The following LDB2 variants were observed in gnomAD, a reference collection of about 807,000 sequenced individuals.
The protein encoded by LDB2 is LIM domain binding 2.
A neutral mutation model predicts 44.3 loss-of-function variants in LDB2; 12 were observed. That is an observed-to-expected ratio of 0.27 (90% confidence interval 0.17 to 0.44). The LOEUF (loss-of-function observed/expected upper bound fraction) is 0.44. Among genes scored for constraint, LDB2 ranks in the 20% least tolerant of loss-of-function variants. The pLI, the probability that LDB2 is intolerant of heterozygous loss-of-function variation, is 1.00. For missense variants in LDB2, 344 were observed against 473.5 expected (o/e 0.73, Z 2.54); for synonymous variants, 164 against 174.8 (o/e 0.94, Z 0.49).
Position 16,739,707 on chromosome 4 carries a change from T to TATATATACATAC in LDB2, c.235+19450_235+19451insGTATGTATATAT, listed in dbSNP as rs1216677755. Among the ~76,000 whole-genome samples, 52 of 100,930 alleles carry TATATATACATAC rather than the reference T, an allele frequency of 5.2e-4. 1 individual carries two copies. The highest frequency in any genetic ancestry group is 1.8e-3 in the African/African-American group (48 of 26,216). The allele number at this position is 100,930 out of a possible 152,430, so 66.2% of individuals were successfully genotyped here. A position where few individuals can be genotyped will look rare whatever the true frequency, so the allele number is the denominator to read the frequency against. On this transcript the variant is annotated intron_variant, in intron 2 of 7. Transcript: ENST00000304523. ...ATATATGTATATATACATATATGTG[T>TATATATACATAC]ATATATGTATATATACATATATGTG...
intron 5 of LDB2, among the ~76,000 whole-genome samples, chr4:16,544,808 G>C (rs1172927672): frequency 6.6e-6 from 1 of 152,190 alleles, no homozygotes; most frequent in South Asian, 2.1e-4. Context: ...GCAGTTGGTT[G>C]TATCAGGCTT....
chr4:16,504,258 G>A (rs1430075500), intron 7 of LDB2, among the ~76,000 whole-genome samples: 2 of 152,218 alleles, frequency 1.3e-5, no homozygotes, highest in Non-Finnish European at 2.9e-5. Context: ...AGAAGGACCA[G>A]TGGGATTTTG....
chr4:16,646,444 T>C (rs1041833306), intron 2 of LDB2, among the ~76,000 whole-genome samples: 2 of 152,164 alleles, frequency 1.3e-5, no homozygotes, highest in Admixed American at 6.5e-5. Flanking sequence ...GAAAAACAGG[T>C]AGAGCAAACT....
intron 1 of LDB2, among the ~76,000 whole-genome samples, chr4:16,765,353 C>G (rs191722342): frequency 2.6e-5 from 4 of 152,320 alleles, no homozygotes; most frequent in African/African-American, 9.6e-5. Flanking sequence ...TTTGTGCCTC[C>G]CTGCCTTTGC....
intron 2 of LDB2, among the ~76,000 whole-genome samples, chr4:16,732,225 G>C (rs1760907032): frequency 6.6e-6 from 1 of 152,136 alleles, no homozygotes; most frequent in Non-Finnish European, 1.5e-5. Flanking sequence ...AGGGGCTTGG[G>C]ACTTGGTTGG....
chr4:16,644,736 C>T (rs2152515498), intron 2 of LDB2, among the ~76,000 whole-genome samples: 1 of 152,248 alleles, frequency 6.6e-6, no homozygotes, highest in East Asian at 1.9e-4. Context: ...GGCCATGAAC[C>T]AATTTTTTGT....
Position 16,714,446 on chromosome 4 carries a change from TG to T in LDB2, c.235+44711del, listed in dbSNP as rs898085886. On this transcript the variant is annotated intron_variant, in intron 2 of 7. Coordinates refer to ENST00000304523, the MANE Select transcript of LDB2 (RefSeq NM_001290.5). ...GACTTTTTTGCACTTGAGGTGCTTT[TG>T]CTGCCAGGACTACTCTCTGTGTAGC... 3.3e-5 allele frequency among the ~76,000 whole-genome samples: 5 copies of T among 152,274 alleles called. No homozygotes were observed. In the South Asian group the frequency reaches 1.0e-3, roughly 32 times the overall value.
chr4:16,567,179 A>C (rs558489305), intron 5 of LDB2, among the ~76,000 whole-genome samples: 1 of 152,320 alleles, frequency 6.6e-6, no homozygotes, highest in South Asian at 2.1e-4. Flanking sequence ...TGCAAAATCA[A>C]ATCTGAAAAG....
intron 1 of LDB2, among the ~76,000 whole-genome samples, chr4:16,856,851 A>C (rs1789455824): frequency 6.6e-6 from 1 of 152,242 alleles, no homozygotes; most frequent in Non-Finnish European, 1.5e-5. Context: ...AAAGTTATAC[A>C]GCTAATGCAT....
chr4:16,827,281 G>C (rs1783233750), intron 1 of LDB2, among the ~76,000 whole-genome samples: 1 of 152,182 alleles, frequency 6.6e-6, no homozygotes, highest in South Asian at 2.1e-4. Flanking sequence ...GTCAGAATAA[G>C]AGGCAATTCA....
intron 5 of LDB2, among the ~76,000 whole-genome samples, chr4:16,580,187 C>A (rs13120039): frequency 0.2 from 30,134 of 151,880 alleles, 3,010 homozygotes; most frequent in East Asian, 0.28. Flanking sequence ...TCGTGTGGTC[C>A]AGGATGGAGT....
At chr4:16,610,693 C>T (rs958893698) in intron 2 of LDB2, among the ~76,000 whole-genome samples, 1 of 151,994 alleles carries the variant, frequency 6.6e-6, no homozygotes, top group African/African-American at 2.4e-5. Context: ...TGAACAAAGC[C>T]TCCAAGAAAT....
At chr4:16,536,224 A>T (rs1005143355) in intron 5 of LDB2, among the ~76,000 whole-genome samples, 1 of 152,174 alleles carries the variant, frequency 6.6e-6, no homozygotes, top group Non-Finnish European at 1.5e-5. Flanking sequence ...GTAGGAGCAG[A>T]TAGCAAGCGT....
chr4:16,561,389 T>C (rs1181696701), intron 5 of LDB2, among the ~76,000 whole-genome samples: 2 of 152,146 alleles, frequency 1.3e-5, no homozygotes, highest in Non-Finnish European at 2.9e-5. Context: ...ACAAAATCAA[T>C]GTACAAAAAT....
chr4:16,677,752 C>A (rs191903170), intron 2 of LDB2, among the ~76,000 whole-genome samples: 2 of 152,182 alleles, frequency 1.3e-5, no homozygotes, highest in African/African-American at 4.8e-5. Context: ...GCCAGATGGG[C>A]TGCCAGGAAA....
At chr4:16,554,158 C>T (rs930558322) in intron 5 of LDB2, among the ~76,000 whole-genome samples, 1 of 151,452 alleles carries the variant, frequency 6.6e-6, no homozygotes, top group Admixed American at 6.6e-5. Context: ...TCAAGCAATT[C>T]TCTTGCCTCA....
intron 2 of LDB2, among the ~76,000 whole-genome samples, chr4:16,628,835 T>G (rs566627655): frequency 9.9e-5 from 15 of 152,202 alleles, no homozygotes; most frequent in Admixed American, 3.9e-4. Context: ...GGTCAGGGGA[T>G]CTCCCTTTCC....
intron 5 of LDB2, among the ~76,000 whole-genome samples, chr4:16,536,008 T>G (rs72619112): frequency 6.6e-6 from 1 of 152,190 alleles, no homozygotes; most frequent in Non-Finnish European, 1.5e-5. Context: ...TTTGCCAAAG[T>G]AGATGAAGCT....
chr4:16,549,659 C>A (rs1736950230), intron 5 of LDB2, among the ~76,000 whole-genome samples: 1 of 152,116 alleles, frequency 6.6e-6, no homozygotes, highest in Non-Finnish European at 1.5e-5. Flanking sequence ...TGTTGAAAGA[C>A]CTGCAATGTT....
Sources: allele counts gnomAD v4.1 joint callset (sites outside exome capture counted in the v4.1 genomes callset), GRCh38; gene constraint gnomAD v4.1.1; transcripts MANE v1.5; gene names NCBI Gene and HGNC (gene_info 2026-07-23, HGNC 2026-07-21).